Variants in OR1L1 observed in about 807,000 individuals in gnomAD.
OR1L1 encodes olfactory receptor 1L1.
For missense variants in OR1L1, 367 were observed against 371.1 expected (o/e 0.99, Z 0.09); for synonymous variants, 132 against 139.1 (o/e 0.95, Z 0.36).
At position 122,661,966 on chromosome 9, in the gene OR1L1, AC is replaced by A; in HGVS notation, c.252del (p.Phe85SerfsTer14). Reference protein sequence around the residue: ...VTVIIPKMLVNFLSETKTISY... With the variant: ...VTVIIPKMLVXFLSETKTISY... ...GTCATTATCCCTAAGATGCTGGTGA[AC>A]TTCTTATCAGAGACAAAGACCATCT... On this transcript the variant is annotated frameshift_variant, in exon 1 of 1. Transcript: ENST00000309623. LOFTEE classifies it low-confidence loss of function (END_TRUNC). The A allele has an allele frequency of 6.2e-7, 1 of 1,614,158 alleles. No homozygotes were observed. Among genetic ancestry groups the A allele is most frequent in the Non-Finnish European group, 8.5e-7 (1 of 1,180,016 alleles).
At position 122,662,578 on chromosome 9, in the gene OR1L1, T is replaced by C. The variant is rs1830528224; in HGVS notation, c.863T>C (p.Ile288Thr). 1.2e-6 allele frequency: 2 copies of C among 1,613,800 alleles called. No homozygotes were observed. Among genetic ancestry groups the C allele is most frequent in the Non-Finnish European group, 1.7e-6 (2 of 1,180,014 alleles). ...CTGACTCCTATGCTAAATCCATTTA[T>C]CTATAGTCTGAGGAACAAAGACATG... Reference protein sequence around the residue: ...TVLTPMLNPFIYSLRNKDMKQ... With the variant: ...TVLTPMLNPFTYSLRNKDMKQ... The change falls in exon 1 of 1, where the codon ATC becomes ACC. Residue 288 changes from isoleucine (I) to threonine (T), a missense_variant. By Grantham distance (89) the Ile-to-Thr change is moderately conservative (BLOSUM62 -1). Coordinates refer to ENST00000309623, the MANE Select transcript of OR1L1 (RefSeq NM_001005236.3).
rs562788238 is a variant in OR1L1 at position 122,661,777 on chromosome 9, C to T, written c.62C>T (p.Pro21Leu). ...EFILLGLSSR[P>L]EDQKPLFAVF... ...ATCCTCCTTGGACTCTCCTCTCGAC[C>T]TGAGGATCAGAAGCCGCTCTTTGCT... The change falls in exon 1 of 1, where the codon CCT becomes CTT. Residue 21 changes from proline (P) to leucine (L), a missense_variant. By Grantham distance (98) the Pro-to-Leu change is moderately conservative (BLOSUM62 -3). Transcript: ENST00000309623. 2.5e-5 allele frequency: 41 copies of T among 1,614,154 alleles called. No homozygotes were observed. Among genetic ancestry groups the T allele is most frequent in the Non-Finnish European group, 3.4e-5 (40 of 1,180,020 alleles).
chr9:122,662,378 C>A lies in OR1L1; in HGVS notation c.663C>A (p.Ile221=), dbSNP rs879875343. 9 of 1,614,020 alleles carry A rather than the reference C, an allele frequency of 5.6e-6. No homozygotes were observed. The highest frequency in any genetic ancestry group is 6.8e-6 in the Non-Finnish European group (8 of 1,180,026). Reference sequence around the variant, plus strand: ...GCATCATCATCTCTTATTTAAGAATCCTCATCACTGTTCTGAAGATTCCTT... The same window carrying A: ...GCATCATCATCTCTTATTTAAGAATACTCATCACTGTTCTGAAGATTCCTT... ...FSCIIISYLR[I]LITVLKIPSA... is the part of the protein sequence containing the mutation. The change falls in exon 1 of 1, where the codon ATC becomes ATA. Residue 221 remains isoleucine, a synonymous_variant. Transcript: ENST00000309623.
chr9:122,662,079 C>T lies in OR1L1; in HGVS notation c.364C>T (p.Arg122Cys), dbSNP rs146376238. 121 of 1,613,976 alleles carry T rather than the reference C, an allele frequency of 7.5e-5. 1 individual carries two copies. In the East Asian group the frequency reaches 1.2e-3, roughly 16 times the overall value. The change falls in exon 1 of 1, where the codon CGC becomes TGC. Residue 122 changes from arginine to cysteine, a missense_variant. By Grantham distance (180) the Arg-to-Cys change is radical (BLOSUM62 -3). Coordinates refer to ENST00000309623, the MANE Select transcript of OR1L1 (RefSeq NM_001005236.3). ...SYLLAAMAID[R>C]YVAICNPFHY... ...CCTGCTAGCAGCCATGGCCATTGAC[C>T]GCTATGTGGCCATATGTAATCCCTT... is the stretch of plus-strand genomic sequence containing the variant.
Position 122,662,080 on chromosome 9 carries a change from G to A in OR1L1, c.365G>A (p.Arg122His), listed in dbSNP as rs758410477. 7.4e-6 allele frequency: 12 copies of A among 1,613,930 alleles called. No individual in the cohort carries two copies. Among genetic ancestry groups the A allele is most frequent in the East Asian group, 6.7e-5 (3 of 44,884 alleles). The change falls in exon 1 of 1, where the codon CGC becomes CAC. Residue 122 changes from arginine (R) to histidine (H), a missense_variant. Transcript: ENST00000309623. ...SYLLAAMAID[R>H]YVAICNPFHY... ...CTGCTAGCAGCCATGGCCATTGACC[G>A]CTATGTGGCCATATGTAATCCCTTC...
rs201973641 is a variant in OR1L1 at position 122,662,323 on chromosome 9, G to C, written c.608G>C (p.Gly203Ala). 41 of 1,614,104 alleles carry C rather than the reference G, an allele frequency of 2.5e-5. No homozygotes were observed. The highest frequency in any genetic ancestry group is 1.7e-4 in the Middle Eastern group (1 of 6,060). ...AAAGAAATCACAGTAATGACAGAAG[G>C]CTTGGCTGTCATAATGACCCCGTTT... ...FVKEITVMTE[G>A]LAVIMTPFSC... The change falls in exon 1 of 1, where the codon GGC becomes GCC. Residue 203 changes from glycine (G) to alanine (A), a missense_variant. Gly to Ala is a moderately conservative substitution (Grantham distance 60, BLOSUM62 0). Transcript: ENST00000309623.
rs1370330548 is a variant in OR1L1, at chr9:122,661,921, T to C, written c.206T>C (p.Val69Ala). 8.1e-6 allele frequency: 13 copies of C among 1,614,096 alleles called. No individual in the cohort carries two copies. The highest frequency in any genetic ancestry group is 1.0e-5 in the Non-Finnish European group (12 of 1,180,044). Residue 69 changes from valine to alanine, a missense_variant, in exon 1 of 1, where the codon GTT (valine) becomes GCT (alanine). By Grantham distance (64) the Val-to-Ala change is moderately conservative. Transcript: ENST00000309623. Reference sequence around the variant, plus strand: ...TTCTTTCTAAGCATCCTGTCTTTTGTTGACATTTGCTATGTGACAGTCATT... The same window carrying C: ...TTCTTTCTAAGCATCCTGTCTTTTGCTGACATTTGCTATGTGACAGTCATT... ...MYFFLSILSF[V>A]DICYVTVIIP...
At position 122,662,466 on chromosome 9, in the gene OR1L1, T is replaced by C. The variant is rs978097325; in HGVS notation, c.751T>C (p.Phe251Leu). Residue 251 changes from phenylalanine to leucine, a missense_variant, in exon 1 of 1, where the codon TTT becomes CTT. Coordinates refer to ENST00000309623, the MANE Select transcript of OR1L1 (RefSeq NM_001005236.3). Reference sequence around the variant, plus strand: ...CTCTCATCTCACAGTGGTGACCCTGTTTTATGGAAGCATTAGCTATCTCTA... The same window carrying C: ...CTCTCATCTCACAGTGGTGACCCTGCTTTATGGAAGCATTAGCTATCTCTA... ...CGSHLTVVTL[F>L]YGSISYLYFQ... The C allele has an allele frequency of 6.2e-7, 1 of 1,614,072 alleles. No homozygotes were observed. Among genetic ancestry groups the C allele is most frequent in the Non-Finnish European group, 8.5e-7 (1 of 1,180,036 alleles).
rs150705775 is a variant in OR1L1, at chr9:122,662,332, T to C, written c.617T>C (p.Val206Ala). The change falls in exon 1 of 1, where the codon GTC becomes GCC. Residue 206 changes from valine (V) to alanine (A), a missense_variant. Coordinates refer to ENST00000309623, the MANE Select transcript of OR1L1 (RefSeq NM_001005236.3). ...ACAGTAATGACAGAAGGCTTGGCTGTCATAATGACCCCGTTTTCATGCATC... is the reference window on the plus strand; with the variant it reads ...ACAGTAATGACAGAAGGCTTGGCTGCCATAATGACCCCGTTTTCATGCATC... ...EITVMTEGLA[V>A]IMTPFSCIII... 6.2e-7 allele frequency: 1 copy of C among 1,614,222 alleles called. No individual in the cohort carries two copies. Among genetic ancestry groups the C allele is most frequent in the East Asian group, 2.2e-5 (1 of 44,884 alleles).
chr9:122,662,345 G>A lies in OR1L1; in HGVS notation c.630G>A (p.Pro210=), dbSNP rs560776179. ...MTEGLAVIMT[P]FSCIIISYLR... The stretch of plus-strand genomic sequence containing the variant: ...AAGGCTTGGCTGTCATAATGACCCC[G>A]TTTTCATGCATCATCATCTCTTATT... The change falls in exon 1 of 1, where the codon CCG becomes CCA. Residue 210 remains proline (P), a synonymous_variant. Transcript: ENST00000309623. 54 of 1,614,124 alleles carry A rather than the reference G, an allele frequency of 3.3e-5. No individual in the cohort carries two copies. In the East Asian group the frequency reaches 4.2e-4, roughly 13 times the overall value.
At position 122,661,993 on chromosome 9, in the gene OR1L1, C is replaced by T. The variant is rs143997889; in HGVS notation, c.278C>T (p.Ser93Phe). The T allele has an allele frequency of 9.5e-5, 153 of 1,614,222 alleles. No homozygotes were observed. The African/African-American group carries it at 1.5e-3, about 16-fold the overall frequency. ...VNFLSETKTI[S>F]YSECLTQMYF... The stretch of plus-strand genomic sequence containing the variant: ...TTCTTATCAGAGACAAAGACCATCT[C>T]TTACAGTGAGTGTCTGACCCAGATG... The change falls in exon 1 of 1, where the codon TCT (serine) becomes TTT (phenylalanine). Residue 93 changes from serine to phenylalanine, a missense_variant. By Grantham distance (155) the Ser-to-Phe change is radical (BLOSUM62 -2). Coordinates refer to ENST00000309623, the MANE Select transcript of OR1L1 (RefSeq NM_001005236.3).
Position 122,662,601 on chromosome 9 carries a change from A to T in OR1L1, c.886A>T (p.Met296Leu). The change falls in exon 1 of 1, where the codon ATG (methionine) becomes TTG (leucine). Residue 296 changes from methionine to leucine, a missense_variant. Transcript: ENST00000309623. ...PFIYSLRNKDMKQGLAKLMHR... is the reference protein window; with the variant it reads ...PFIYSLRNKDLKQGLAKLMHR... ...TATCTATAGTCTGAGGAACAAAGAC[A>T]TGAAGCAGGGTTTGGCAAAGTTGAT... 6.2e-7 allele frequency: 1 copy of T among 1,612,866 alleles called. No homozygotes were observed. Among genetic ancestry groups the T allele is most frequent in the Non-Finnish European group, 8.5e-7 (1 of 1,179,994 alleles).
Position 122,662,155 on chromosome 9 carries a change from T to C in OR1L1, c.440T>C (p.Leu147Pro), listed in dbSNP as rs2118844534. ...SHRCCVLLLV[L>P]SFCIPHFHSL... ...AGATGCTGTGTCCTGCTTCTGGTTC[T>C]CTCCTTCTGCATTCCACATTTTCAC... Residue 147 changes from leucine (L) to proline (P), a missense_variant, in exon 1 of 1, where the codon CTC (leucine) becomes CCC (proline). Coordinates refer to ENST00000309623, the MANE Select transcript of OR1L1 (RefSeq NM_001005236.3). The C allele has an allele frequency of 1.2e-6, 2 of 1,614,048 alleles. No homozygotes were observed. The highest frequency in any genetic ancestry group is 1.7e-6 in the Non-Finnish European group (2 of 1,180,028).
rs1487213192 is a variant in OR1L1 at position 122,661,957 on chromosome 9, T to A, written c.242T>A (p.Met81Lys). Residue 81 changes from methionine (M) to lysine (K), a missense_variant, in exon 1 of 1, where the codon ATG (methionine) becomes AAG (lysine). Coordinates refer to ENST00000309623, the MANE Select transcript of OR1L1 (RefSeq NM_001005236.3). ...ICYVTVIIPK[M>K]LVNFLSETKT... Reference sequence around the variant, plus strand: ...TATGTGACAGTCATTATCCCTAAGATGCTGGTGAACTTCTTATCAGAGACA... The same window carrying A: ...TATGTGACAGTCATTATCCCTAAGAAGCTGGTGAACTTCTTATCAGAGACA... 4.3e-6 allele frequency: 7 copies of A among 1,614,234 alleles called. No homozygotes were observed. The South Asian group carries it at 7.7e-5, about 18-fold the overall frequency.
At position 122,661,944 on chromosome 9, in the gene OR1L1, A is replaced by C; in HGVS notation, c.229A>C (p.Ile77Leu). 6.2e-7 allele frequency: 1 copy of C among 1,614,188 alleles called. No individual in the cohort carries two copies. Among genetic ancestry groups the C allele is most frequent in the African/African-American group, 1.3e-5 (1 of 75,046 alleles). Residue 77 changes from isoleucine (I) to leucine (L), a missense_variant, in exon 1 of 1, where the codon ATT becomes CTT. Physicochemically the swap from Ile to Leu is conservative, Grantham distance 5. Coordinates refer to ENST00000309623, the MANE Select transcript of OR1L1 (RefSeq NM_001005236.3). ...TGTTGACATTTGCTATGTGACAGTC[A>C]TTATCCCTAAGATGCTGGTGAACTT... ...SFVDICYVTVIIPKMLVNFLS... is the reference protein window; with the variant it reads ...SFVDICYVTVLIPKMLVNFLS...
rs1487531716 is a variant in OR1L1, at chr9:122,662,471, T to C, written c.756T>C (p.Tyr252=). ...GSHLTVVTLF[Y]GSISYLYFQP... is the part of the protein sequence containing the mutation. The stretch of plus-strand genomic sequence containing the variant: ...ATCTCACAGTGGTGACCCTGTTTTA[T>C]GGAAGCATTAGCTATCTCTATTTTC... Residue 252 remains tyrosine (Y), a synonymous_variant, in exon 1 of 1, where the codon TAT becomes TAC. Transcript: ENST00000309623. 1 of 1,614,238 alleles carries C rather than the reference T, an allele frequency of 6.2e-7. No homozygotes were observed. Among genetic ancestry groups the C allele is most frequent in the Non-Finnish European group, 8.5e-7 (1 of 1,180,044 alleles).
Position 122,662,479 on chromosome 9 carries a change from T to G in OR1L1, c.764T>G (p.Ile255Ser), listed in dbSNP as rs1830526835. 6.2e-7 allele frequency: 1 copy of G among 1,614,054 alleles called. No homozygotes were observed. The highest frequency in any genetic ancestry group is 1.3e-5 in the African/African-American group (1 of 74,936). The change falls in exon 1 of 1, where the codon ATT (isoleucine) becomes AGT (serine). Residue 255 changes from isoleucine (I) to serine (S), a missense_variant. Coordinates refer to ENST00000309623, the MANE Select transcript of OR1L1 (RefSeq NM_001005236.3). Reference sequence around the variant, plus strand: ...GTGGTGACCCTGTTTTATGGAAGCATTAGCTATCTCTATTTTCAGCCCCTG... The same window carrying G: ...GTGGTGACCCTGTTTTATGGAAGCAGTAGCTATCTCTATTTTCAGCCCCTG... ...LTVVTLFYGS[I>S]SYLYFQPLSN...
chr9:122,662,058 C>A lies in OR1L1; in HGVS notation c.343C>A (p.Leu115Ile). 1 of 1,613,992 alleles carries A rather than the reference C, an allele frequency of 6.2e-7. No individual in the cohort carries two copies. Among genetic ancestry groups the A allele is most frequent in the Non-Finnish European group, 8.5e-7 (1 of 1,179,948 alleles). The change falls in exon 1 of 1, where the codon CTA becomes ATA. Residue 115 changes from leucine (L) to isoleucine (I), a missense_variant. Transcript: ENST00000309623. The stretch of plus-strand genomic sequence containing the variant: ...CTTTGGAAACACAGACAGTTACCTG[C>A]TAGCAGCCATGGCCATTGACCGCTA... ...LAFGNTDSYL[L>I]AAMAIDRYVA...
Position 122,662,015 on chromosome 9 carries a change from G to C in OR1L1, c.300G>C (p.Gln100His), listed in dbSNP as rs1336004215. 3 of 1,614,056 alleles carry C rather than the reference G, an allele frequency of 1.9e-6. No homozygotes were observed. In the African/African-American group the frequency reaches 4.0e-5, roughly 22 times the overall value. The change falls in exon 1 of 1, where the codon CAG (glutamine) becomes CAC (histidine). Residue 100 changes from glutamine (Q) to histidine (H), a missense_variant. Gln to His is a conservative substitution (Grantham distance 24). Transcript: ENST00000309623. Reference protein sequence around the residue: ...KTISYSECLTQMYFFLAFGNT... With the variant: ...KTISYSECLTHMYFFLAFGNT... ...TCTCTTACAGTGAGTGTCTGACCCA[G>C]ATGTACTTTTTCTTAGCCTTTGGAA... is the stretch of plus-strand genomic sequence containing the variant.
Sources: allele counts gnomAD v4.1 joint callset, GRCh38; gene constraint gnomAD v4.1.1; transcripts MANE v1.5; gene names NCBI Gene and HGNC (gene_info 2026-07-23, HGNC 2026-07-21).